Variants in PCDHA2 observed in about 807,000 individuals in gnomAD.
PCDHA2 encodes the protein protocadherin alpha-2.
A neutral mutation model predicts 66.0 loss-of-function variants in PCDHA2; 58 were observed. That is an observed-to-expected ratio of 0.88 (90% CI 0.71 to 1.09). The LOEUF is 1.09. Among genes scored for constraint, PCDHA2 ranks in the 50% least tolerant of loss-of-function variants. The probability of loss-of-function intolerance (pLI) is 0.00; values close to 1 mark genes in which losing one functional copy is unlikely to be tolerated. For synonymous variants in PCDHA2, 634 were observed against 554.0 expected (o/e 1.14, Z -2.03); for missense variants, 1,267 against 1,242.3 (o/e 1.02, Z -0.30).
chr5:140,836,955 A>G (rs1227773080), intron 1 of PCDHA2: 1 of 420,702 alleles, frequency 2.4e-6, no homozygotes, highest in Non-Finnish European at 4.1e-6. Flanking sequence ...TCTATGGTTT[A>G]TGTTGGCTAC....
chr5:140,919,649 T>C (rs1252944920), intron 1 of PCDHA2, among the ~76,000 whole-genome samples: 1 of 152,202 alleles, frequency 6.6e-6, no homozygotes, highest in African/African-American at 2.4e-5. Flanking sequence ...TTCTCTAGAG[T>C]TTACCATATA....
At chr5:140,848,492 T>C (rs1781549856) in intron 1 of PCDHA2, 2 of 1,575,612 alleles carry the variant, frequency 1.3e-6, no homozygotes, top group South Asian at 2.3e-5. Flanking sequence ...ACTGAGTATT[T>C]GAAATGTTAT....
At chr5:140,797,378 A>T (rs781813759) in intron 1 of PCDHA2, 26 bp downstream of exon 1, 1 of 1,597,616 alleles carries the variant, frequency 6.3e-7, no homozygotes, top group Non-Finnish European at 8.5e-7. Context: ...TTTCTTGCCA[A>T]TTCTAAAATT....
chr5:140,928,043 C>G (rs1554205400), intron 1 of PCDHA2: 2 of 1,614,192 alleles, frequency 1.2e-6, no homozygotes, highest in Non-Finnish European at 1.7e-6. Context: ...AGTGCAGGCC[C>G]TTTTCAGCTG....
chr5:140,982,827 T>G (rs2097010165), intron 3 of PCDHA2, among the ~76,000 whole-genome samples: 1 of 140,992 alleles, frequency 7.1e-6, no homozygotes, highest in Non-Finnish European at 1.6e-5. Flanking sequence ...TTTTTGGGGT[T>G]TGTTTGTTTG....
At chr5:140,975,963 A>G (rs2096691903) in intron 1 of PCDHA2, among the ~76,000 whole-genome samples, 1 of 152,186 alleles carries the variant, frequency 6.6e-6, no homozygotes, top group Non-Finnish European at 1.5e-5. Flanking sequence ...TTCTTCACCA[A>G]TAGAAAGTAA....
Position 141,009,940 on chromosome 5 carries a change from T to G in PCDHA2, c.*3T>G, listed in dbSNP as rs782531781. ...CGACTGACAACAGTGACCAGTGAGG[T>G]CCTCAAATGGAAACAAGCCACTTAG... On this transcript the variant is annotated 3_prime_UTR_variant, in exon 4 of 4. Transcript: ENST00000526136. 7 of 1,598,042 alleles carry G rather than the reference T, an allele frequency of 4.4e-6. No homozygotes were observed. The highest frequency in any genetic ancestry group is 4.3e-6 in the Non-Finnish European group (5 of 1,174,556).
rs2150103831 is a variant in PCDHA2, at chr5:140,819,325, A to G, written c.2388+21973A>G. Among the ~76,000 whole-genome samples, 393 of 152,298 alleles carry G rather than the reference A, an allele frequency of 2.6e-3. 1 individual carries two copies. Among genetic ancestry groups the G allele is most frequent in the African/African-American group, 8.9e-3 (371 of 41,578 alleles). ...AATTTTATTCTGGGTTTTGTAAGGA[A>G]TAAAGGACATTTGTACCCTTATGAA... On this transcript the variant is annotated intron_variant, in intron 1 of 3. Coordinates refer to ENST00000526136, the MANE Select transcript of PCDHA2 (RefSeq NM_018905.3).
intron 1 of PCDHA2, among the ~76,000 whole-genome samples, chr5:140,908,325 T>C (rs189387427): frequency 6.6e-6 from 1 of 152,172 alleles, no homozygotes; most frequent in African/African-American, 2.4e-5. Flanking sequence ...GTGGAGACCA[T>C]GGGAATTTGA....
intron 2 of PCDHA2, 157 bp from the exon 3 acceptor site, chr5:140,982,318 G>C (rs2096977750): frequency 6.6e-6 from 9 of 1,356,910 alleles, no homozygotes; most frequent in Non-Finnish European, 8.8e-6. Flanking sequence ...AGTTTATGCA[G>C]GGTGACTGCT....
At position 140,796,158 on chromosome 5, in the gene PCDHA2, G is replaced by A. The variant is rs782303215; in HGVS notation, c.1194G>A (p.Val398=). Reference sequence around the variant, plus strand: ...CGCCCCACGTCCCTTTCAAGCTGGTGTCCACCTTCAAGAATTACTACTCGT... The same window carrying A: ...CGCCCCACGTCCCTTTCAAGCTGGTATCCACCTTCAAGAATTACTACTCGT... ...SLTPHVPFKL[V]STFKNYYSLV... Residue 398 remains valine (V), a synonymous_variant, in exon 1 of 4, where the codon GTG becomes GTA. Coordinates refer to ENST00000526136, the MANE Select transcript of PCDHA2 (RefSeq NM_018905.3). 3.1e-6 allele frequency: 5 copies of A among 1,614,208 alleles called. No homozygotes were observed. Among genetic ancestry groups the A allele is most frequent in the Non-Finnish European group, 3.4e-6 (4 of 1,180,038 alleles).
intron 1 of PCDHA2, among the ~76,000 whole-genome samples, chr5:140,900,299 GAC>G (rs1372785177): frequency 6.6e-6 from 1 of 151,604 alleles, no homozygotes; most frequent in Non-Finnish European, 1.5e-5. Flanking sequence ...TGTTTTTTTA[GAC>G]AGTCTCACTT....
chr5:140,804,947 G>T, intron 1 of PCDHA2: 7 of 1,265,582 alleles, frequency 5.5e-6, no homozygotes, highest in Admixed American at 3.0e-5. Flanking sequence ...TTGCTCCCTT[G>T]TCCATGAAGT....
intron 1 of PCDHA2, among the ~76,000 whole-genome samples, chr5:140,839,422 C>T (rs1398340134): frequency 1.3e-5 from 2 of 151,902 alleles, no homozygotes; most frequent in Non-Finnish European, 2.9e-5. Flanking sequence ...CAGGGTCTCA[C>T]TCTGTAGCCC....
At chr5:140,803,043 G>T (rs142788061) in intron 1 of PCDHA2, 27 of 1,614,014 alleles carry the variant, frequency 1.7e-5, no homozygotes, top group Non-Finnish European at 2.3e-5. Context: ...GCCTGGGACC[G>T]GCGGTGCGCG....
rs1554122542 is a variant in PCDHA2 at position 140,803,040 on chromosome 5, A to C, written c.2388+5688A>C. Reference sequence around the variant, plus strand: ...GCTTTCGTATGAGCTGCAGCCTGGGACCGGCGGTGCGCGCATCCCGTTTCG... The same window carrying C: ...GCTTTCGTATGAGCTGCAGCCTGGGCCCGGCGGTGCGCGCATCCCGTTTCG... On this transcript the variant is annotated intron_variant, in intron 1 of 3. Transcript: ENST00000526136. The C allele has an allele frequency of 2.5e-6, 4 of 1,614,002 alleles. No individual in the cohort carries two copies. In the Admixed American group the frequency reaches 6.7e-5, roughly 27 times the overall value.
At chr5:140,844,640 A>G (rs1166364249) in intron 1 of PCDHA2, among the ~76,000 whole-genome samples, 4 of 149,532 alleles carry the variant, frequency 2.7e-5, no homozygotes, top group Non-Finnish European at 4.5e-5. Flanking sequence ...ATACATGATA[A>G]TTTCATTCTT....
chr5:140,807,315 C>A (rs782815519), intron 1 of PCDHA2: 7 of 1,613,884 alleles, frequency 4.3e-6, no homozygotes, highest in Non-Finnish European at 5.9e-6. Flanking sequence ...AAACACGGCA[C>A]CTTCGTGGGC....
chr5:140,814,025 T>G (rs1765421456), intron 1 of PCDHA2: 1 of 152,870 alleles, frequency 6.5e-6, no homozygotes, highest in Non-Finnish European at 1.5e-5. Context: ...CAGTAATAAA[T>G]TAACCTTAGC....
Sources: gnomAD v4.1 joint callset for allele counts (sites outside exome capture counted in the v4.1 genomes callset) on GRCh38, gnomAD v4.1.1 for gene constraint, MANE v1.5 for transcripts, NCBI Gene and HGNC (gene_info 2026-07-23, HGNC 2026-07-21) for gene names.